TTLL4: variants seen among roughly 807,000 people sequenced by gnomAD.
The protein encoded by TTLL4 is tubulin tyrosine ligase like 4, also known as tubulin monoglutamylase TTLL4.
TTLL4 carries 85 observed loss-of-function variants against 122.7 expected under a neutral mutation model. The ratio of observed to expected loss-of-function variants is 0.69; its 90% confidence interval spans 0.58 to 0.83. The LOEUF is 0.83. TTLL4 is among the 40% of genes least tolerant of loss of function. The pLI is 0.00. For missense variants in TTLL4, 1,363 were observed against 1,488.6 expected, an observed-to-expected ratio of 0.92 and a Z score of 1.39; for synonymous variants, 553 against 563.0, an observed-to-expected ratio of 0.98 and a Z score of 0.25.
At chr2:218,751,656 A>G in intron 15 of TTLL4, 48 bp from the exon 16 acceptor site, 1 of 1,592,364 alleles carries the variant, frequency 6.3e-7, no homozygotes. Context: ...CCTCCAAATA[A>G]GAAGCTGCTG....
intron 13 of TTLL4, 133 bp downstream of exon 13, chr2:218,749,067 G>T: frequency 8.0e-7 from 1 of 1,246,884 alleles, no homozygotes. Flanking sequence ...GGAAGGAGTG[G>T]CCAGAGTTAA....
rs1283765106 is a variant in TTLL4 at position 218,739,132 on chromosome 2, A to G, written c.1456A>G (p.Arg486Gly). ...QSEKERPEEA[R>G]ELDSSDRDIS... ...TGAGAAGGAGAGACCTGAGGAGGCCAGGGAGCTGGACTCATCTGATAGGGA... is the reference window on the plus strand; with the variant it reads ...TGAGAAGGAGAGACCTGAGGAGGCCGGGGAGCTGGACTCATCTGATAGGGA... The change falls in exon 3 of 20, where the codon AGG becomes GGG. Residue 486 changes from arginine (R) to glycine (G), a missense_variant. By Grantham distance (125) the Arg-to-Gly change is moderately radical. Around this residue, in one of 3 missense-constraint regions of TTLL4, gnomAD observed 760 missense variants for 808.4 expected, o/e 0.94. Coordinates refer to ENST00000392102, the MANE Select transcript of TTLL4 (RefSeq NM_014640.5). 1.2e-6 allele frequency: 2 copies of G among 1,613,864 alleles called. No individual in the cohort carries two copies. Among genetic ancestry groups the G allele is most frequent in the Non-Finnish European group, 1.7e-6 (2 of 1,180,036 alleles).
intron 1 of TTLL4, among the ~76,000 whole-genome samples, chr2:218,718,935 T>C (rs1367283628): frequency 6.6e-6 from 1 of 152,214 alleles, no homozygotes; most frequent in South Asian, 2.1e-4. Context: ...GAGACTGGGC[T>C]GAGGCAGCCA....
At position 218,714,309 on chromosome 2, in the gene TTLL4, A is replaced by G. The variant is rs114160680; in HGVS notation, c.-178+3272A>G. ...GTGAATAGGAAGTTGTCATTTGCTG[A>G]AAATCTGTATCTAGATGAAGCCTTA... On this transcript the variant is annotated intron_variant, in intron 1 of 19. Coordinates refer to ENST00000392102, the MANE Select transcript of TTLL4 (RefSeq NM_014640.5). Among the ~76,000 whole-genome samples the G allele has an allele frequency of 7.4e-3, 1,126 of 152,338 alleles. 12 individuals carry two copies. The highest frequency in any genetic ancestry group is 0.026 in the African/African-American group (1,076 of 41,570).
At chr2:218,727,072 G>T (rs1942220485) in intron 1 of TTLL4, among the ~76,000 whole-genome samples, 197 bp from the exon 2 acceptor site, 1 of 152,130 alleles carries the variant, frequency 6.6e-6, no homozygotes, top group South Asian at 2.1e-4. Flanking sequence ...GCCTCCCAAA[G>T]TGCTGGGATT....
At chr2:218,748,024 C>T (rs1942895622) in intron 11 of TTLL4, 81 bp from the exon 12 acceptor site, 2 of 1,570,570 alleles carry the variant, frequency 1.3e-6, no homozygotes, top group Non-Finnish European at 8.7e-7. Context: ...TACACCTCTT[C>T]AGGATTTGGG....
At chr2:218,742,289 T>C (rs1942724339) in intron 5 of TTLL4, among the ~76,000 whole-genome samples, 2 of 152,208 alleles carry the variant, frequency 1.3e-5, no homozygotes, top group Admixed American at 1.3e-4. Flanking sequence ...GATAGATGAA[T>C]TCCAAACCAC....
intron 2 of TTLL4, among the ~76,000 whole-genome samples, chr2:218,730,818 C>T: frequency 6.6e-6 from 1 of 150,942 alleles, no homozygotes; most frequent in Admixed American, 6.6e-5. Context: ...AGGTGTGCAC[C>T]ACCATGCCGG....
rs1052517694 is a variant in TTLL4, at chr2:218,710,846, G to C, written c.-369G>C. 4 of 151,644 alleles carry C rather than the reference G, an allele frequency of 2.6e-5. No homozygotes were observed. The highest frequency in any genetic ancestry group is 9.7e-5 in the African/African-American group (4 of 41,218). The allele number at this position is 151,644 out of a possible 1,614,324, so 9.4% of individuals were successfully genotyped here. On this transcript the variant is annotated 5_prime_UTR_variant, in exon 1 of 20. Coordinates refer to ENST00000392102, the MANE Select transcript of TTLL4 (RefSeq NM_014640.5). ...GCTTGCCTCCCGCCCTCTTCTTCCAGACTCTCGGTCTGTCCGCTGGGGGCG... is the reference window on the plus strand; with the variant it reads ...GCTTGCCTCCCGCCCTCTTCTTCCACACTCTCGGTCTGTCCGCTGGGGGCG...
chr2:218,716,613 C>G (rs542481042), intron 1 of TTLL4, among the ~76,000 whole-genome samples: 2 of 152,266 alleles, frequency 1.3e-5, no homozygotes, highest in South Asian at 4.1e-4. Context: ...CACGGTGAAA[C>G]CCTGTCTCTA....
chr2:218,715,189 T>C (rs1220605525), intron 1 of TTLL4, among the ~76,000 whole-genome samples: 1 of 152,254 alleles, frequency 6.6e-6, no homozygotes, highest in Non-Finnish European at 1.5e-5. Context: ...GATTTTCATA[T>C]GTTTCTCCAG....
At chr2:218,726,967 G>A (rs540291111) in intron 1 of TTLL4, among the ~76,000 whole-genome samples, 3 of 152,050 alleles carry the variant, frequency 2.0e-5, no homozygotes, top group Non-Finnish European at 4.4e-5. Flanking sequence ...GCACCACCAT[G>A]CTGGCTAATT....
At chr2:218,742,045 C>T (rs377267311) in intron 5 of TTLL4, among the ~76,000 whole-genome samples, 3 of 152,230 alleles carry the variant, frequency 2.0e-5, no homozygotes, top group East Asian at 3.9e-4. Context: ...ACTGTAACCT[C>T]GAACTCCTGG....
At chr2:218,723,077 G>C (rs1942091447) in intron 1 of TTLL4, among the ~76,000 whole-genome samples, 1 of 152,222 alleles carries the variant, frequency 6.6e-6, no homozygotes, top group Non-Finnish European at 1.5e-5. Flanking sequence ...GAATGTGATT[G>C]ATCTGTTCTT....
In TTLL4 at chr2:218,752,793, A is replaced by G. The variant is rs1166847545; in HGVS notation, c.3007A>G (p.Thr1003Ala). 6.2e-7 allele frequency: 1 copy of G among 1,614,116 alleles called. No individual in the cohort carries two copies. The highest frequency in any genetic ancestry group is 8.5e-7 in the Non-Finnish European group (1 of 1,180,020). Residue 1003 changes from threonine (T) to alanine (A), a missense_variant, in exon 17 of 20, where the codon ACA becomes GCA. Coordinates refer to ENST00000392102, the MANE Select transcript of TTLL4 (RefSeq NM_014640.5). ...CTATGCATCTGTGCTGGATGTCCTG[A>G]CACCAGATGATGTTCGGATTCTGGT... ...DFYASVLDVL[T>A]PDDVRILVEM...
chr2:218,753,050 T>C (rs752984790), intron 17 of TTLL4, 65 bp from the exon 18 acceptor site: 2 of 1,613,484 alleles, frequency 1.2e-6, no homozygotes, highest in Non-Finnish European at 8.5e-7. Context: ...AATGGGCCTC[T>C]CTGGAAAGAA....
intron 2 of TTLL4, among the ~76,000 whole-genome samples, chr2:218,735,554 A>T (rs922831959): frequency 3.9e-5 from 6 of 152,120 alleles, no homozygotes; most frequent in Non-Finnish European, 5.9e-5. Context: ...AGTTTGGGTG[A>T]CAGAGCAAGA....
chr2:218,724,591 C>G (rs1942134466), intron 1 of TTLL4, among the ~76,000 whole-genome samples: 1 of 152,176 alleles, frequency 6.6e-6, no homozygotes, highest in Admixed American at 6.5e-5. Context: ...CATGTTGCTG[C>G]AAATGATGGG....
chr2:218,749,038 G>A, intron 13 of TTLL4, 104 bp downstream of exon 13: 1 of 1,382,462 alleles, frequency 7.2e-7, no homozygotes, highest in South Asian at 1.3e-5. Flanking sequence ...CTGTGGTTTG[G>A]TTTTAAGGAC....
Sources: allele counts gnomAD v4.1 joint callset (sites outside exome capture counted in the v4.1 genomes callset), GRCh38; gene constraint gnomAD v4.1.1; regional missense constraint gnomAD v4.1.1; transcripts MANE v1.5; gene names NCBI Gene and HGNC (gene_info 2026-07-23, HGNC 2026-07-21).